Variants in FARS2 observed in about 807,000 individuals in gnomAD.
The protein encoded by FARS2 is phenylalanyl-tRNA synthetase 2, mitochondrial.
In FARS2, 40 loss-of-function variants were observed where a neutral mutation model predicts 46.4. The observed-to-expected ratio is 0.86, with a 90% CI of 0.67 to 1.12. The LOEUF (loss-of-function observed/expected upper bound fraction) is 1.12, where lower values mean the gene tolerates loss of function less well. FARS2 is among the 50% of genes most tolerant of loss of function. FARS2 has a pLI of 0.00. For synonymous variants in FARS2, 234 were observed against 214.9 expected (o/e 1.09, Z -0.78); for missense variants, 513 against 567.9 (o/e 0.90, Z 0.98).
chr6:5,508,249 G>A (rs1768217733), intron 4 of FARS2, among the ~76,000 whole-genome samples: 1 of 152,242 alleles, frequency 6.6e-6, no homozygotes, highest in South Asian at 2.1e-4. Context: ...CAGGAATGTA[G>A]GTGATCCCCA....
chr6:5,450,020 C>G (rs534376347), intron 4 of FARS2, among the ~76,000 whole-genome samples: 2 of 152,292 alleles, frequency 1.3e-5, no homozygotes, highest in East Asian at 3.9e-4. Context: ...CCTCTGTATA[C>G]ATGGGTTTTG....
intron 2 of FARS2, among the ~76,000 whole-genome samples, chr6:5,373,263 G>C (rs1759170034): frequency 2.0e-5 from 3 of 152,082 alleles, no homozygotes; most frequent in Admixed American, 2.0e-4. Flanking sequence ...GACTACTGAC[G>C]TCATCTGTCT....
chr6:5,260,902 C>T (rs1407779878), upstream of FARS2: 2 of 1,386,280 alleles, frequency 1.4e-6, no homozygotes, highest in African/African-American at 3.0e-5. Flanking sequence ...GGATCGCGGA[C>T]GGCGCCAGGC....
chr6:5,764,147 ACC>A lies in FARS2; in HGVS notation c.1218-7142_1218-7141del, dbSNP rs904917409. On this transcript the variant is annotated intron_variant, in intron 6 of 6. Transcript: ENST00000274680. The surrounding 1 kb of genome is among the most constrained non-coding windows in gnomAD (Gnocchi z 4.1). ...ACGCCCCCTCATTCAGTCCTCACAA[ACC>A]CTGGAAAGCAAGTTTTGTTCGCCTC... 2.0e-5 allele frequency among the ~76,000 whole-genome samples: 3 copies of A among 151,946 alleles called. No individual in the cohort carries two copies. The highest frequency in any genetic ancestry group is 7.3e-5 in the African/African-American group (3 of 41,366).
intron 4 of FARS2, among the ~76,000 whole-genome samples, chr6:5,544,544 T>C (rs910102596): frequency 6.6e-6 from 1 of 152,182 alleles, no homozygotes; most frequent in African/African-American, 2.4e-5. Flanking sequence ...ACCCTTCTAA[T>C]TTATGGCACT....
intron 6 of FARS2, among the ~76,000 whole-genome samples, chr6:5,639,908 G>A (rs1032196510): frequency 6.6e-6 from 1 of 152,210 alleles, no homozygotes; most frequent in African/African-American, 2.4e-5. Flanking sequence ...GAGCATTAGT[G>A]CCCCAAGTGG....
rs189604122 is a variant in FARS2, at chr6:5,273,103, T to A, written c.-22+11443T>A. ...TCCATATTTTGGCTTTTGTGAATAG[T>A]GCTGCAATAAACATGGGAGTGCTGA... On this transcript the variant is annotated intron_variant, in intron 1 of 6. Transcript: ENST00000274680. Among the ~76,000 whole-genome samples the A allele has an allele frequency of 3.3e-5, 5 of 152,374 alleles. No individual in the cohort carries two copies. In the East Asian group the frequency reaches 9.6e-4, roughly 29 times the overall value.
chr6:5,709,191 T>C (rs1758946423), intron 6 of FARS2, among the ~76,000 whole-genome samples: 1 of 151,972 alleles, frequency 6.6e-6, no homozygotes, highest in Non-Finnish European at 1.5e-5. Flanking sequence ...GTGTGGTTGG[T>C]GGGAGGTGTG....
chr6:5,630,902 CT>C lies in FARS2; in HGVS notation c.1217+17584del, dbSNP rs1356355828. ...CTGAGCGATGCTTTGATCAGCATTT[CT>C]TAATATGGCACATGGGGGAGAAAAC... On this transcript the variant is annotated intron_variant, in intron 6 of 6. Transcript: ENST00000274680. The surrounding 1 kb of genome is among the most constrained non-coding windows in gnomAD (Gnocchi z 4.2). Among the ~76,000 whole-genome samples, 2 of 152,184 alleles carry C rather than the reference CT, an allele frequency of 1.3e-5. No homozygotes were observed. The highest frequency in any genetic ancestry group is 2.4e-5 in the African/African-American group (1 of 41,442).
intron 6 of FARS2, among the ~76,000 whole-genome samples, chr6:5,654,201 C>T (rs1032033752): frequency 1.3e-5 from 2 of 152,110 alleles, no homozygotes; most frequent in East Asian, 1.9e-4. Flanking sequence ...CCATCCCAGC[C>T]GGGTCATAGG....
At chr6:5,527,836 G>A (rs1203077903) in intron 4 of FARS2, among the ~76,000 whole-genome samples, 2 of 152,156 alleles carry the variant, frequency 1.3e-5, no homozygotes, top group Non-Finnish European at 2.9e-5. Flanking sequence ...TGTATCTTTT[G>A]CTGAATGAAA....
intron 4 of FARS2, chr6:5,466,752 G>A: frequency 1.0e-6 from 1 of 980,758 alleles, no homozygotes; most frequent in Non-Finnish European, 1.2e-6. Context: ...TGGTGCCTGG[G>A]ATCTGTAGAC....
rs183279189 is a variant in FARS2 at position 5,628,782 on chromosome 6, G to T, written c.1217+15462G>T. Among the ~76,000 whole-genome samples, 22 of 152,310 alleles carry T rather than the reference G, an allele frequency of 1.4e-4. No individual in the cohort carries two copies. In the East Asian group the frequency reaches 3.5e-3, roughly 24 times the overall value. On this transcript the variant is annotated intron_variant, in intron 6 of 6. Transcript: ENST00000274680. ...CCAGCCGCATGCTGCCCTTCCCACAGCCTGGTTATCCAGTCCTTCCTCAGA... is the reference window on the plus strand; with the variant it reads ...CCAGCCGCATGCTGCCCTTCCCACATCCTGGTTATCCAGTCCTTCCTCAGA...
Position 5,764,320 on chromosome 6 carries a change from A to G in FARS2, c.1218-6971A>G, listed in dbSNP as rs560805539. 7.9e-5 allele frequency among the ~76,000 whole-genome samples: 12 copies of G among 152,160 alleles called. No individual in the cohort carries two copies. The highest frequency in any genetic ancestry group is 2.6e-4 in the African/African-American group (11 of 41,514). On this transcript the variant is annotated intron_variant, in intron 6 of 6. Transcript: ENST00000274680. This position sits in a 1 kb window ranked among gnomAD's most constrained non-coding sequence, Gnocchi z 4.1. ...CACTCCACCATGCCCATTCACTTCTATATTTTCAGGAGAGGCCATGGAACC... is the reference window on the plus strand; with the variant it reads ...CACTCCACCATGCCCATTCACTTCTGTATTTTCAGGAGAGGCCATGGAACC...
At chr6:5,578,808 C>CAAAAAAAAAAAAAAAAAAAA (rs56248218) in intron 5 of FARS2, among the ~76,000 whole-genome samples, 3 of 124,368 alleles carry the variant, frequency 2.4e-5, no homozygotes, top group African/African-American at 3.2e-5. Flanking sequence ...CACTCCGTCT[C>CAAAAAAAAAAAAAAAAAAAA]AAAAAAAAAA....
chr6:5,329,238 A>C (rs968467813), intron 1 of FARS2, among the ~76,000 whole-genome samples: 2 of 152,260 alleles, frequency 1.3e-5, no homozygotes, highest in African/African-American at 4.8e-5. Context: ...TTTAAAGCTA[A>C]TGTAGCATAT....
At chr6:5,392,560 A>T (rs1019489868) in intron 2 of FARS2, among the ~76,000 whole-genome samples, 1 of 152,012 alleles carries the variant, frequency 6.6e-6, no homozygotes, top group African/African-American at 2.4e-5. Flanking sequence ...TGAAAGTATT[A>T]TGTAGTTATT....
intron 5 of FARS2, among the ~76,000 whole-genome samples, chr6:5,602,860 G>A (rs560038473): frequency 1.6e-4 from 24 of 152,028 alleles, no homozygotes; most frequent in Non-Finnish European, 2.9e-4. Flanking sequence ...ATGGACAACC[G>A]TCAAACTTGT....
chr6:5,557,351 G>A (rs937700665), intron 5 of FARS2, among the ~76,000 whole-genome samples: 4 of 152,074 alleles, frequency 2.6e-5, no homozygotes, highest in South Asian at 2.1e-4. Flanking sequence ...GGATGGTGAC[G>A]GGACCACAAG....
Sources: gnomAD v4.1 joint callset for allele counts (sites outside exome capture counted in the v4.1 genomes callset) on GRCh38, gnomAD v4.1.1 for gene constraint, Gnocchi (gnomAD v3.1) non-coding constraint, MANE v1.5 for transcripts, NCBI Gene and HGNC (gene_info 2026-07-23, HGNC 2026-07-21) for gene names.